Variants in RFT1 observed in about 807,000 individuals in gnomAD.
The protein encoded by RFT1 is RFT1 glycolipid translocator homolog, also known as man(5)GlcNAc(2)-PP-dolichol translocation protein RFT1.
RFT1 carries 43 observed loss-of-function variants against 62.2 expected under a neutral mutation model. The ratio of observed to expected loss-of-function variants is 0.69; its 90% CI spans 0.54 to 0.89. The LOEUF is 0.89. Among genes scored for constraint, RFT1 ranks in the 40% least tolerant of loss-of-function variants. The probability of loss-of-function intolerance (pLI) is 0.00; values close to 1 mark genes in which losing one functional copy is unlikely to be tolerated. For missense variants in RFT1, 605 were observed against 649.9 expected (o/e 0.93, Z 0.75); for synonymous variants, 262 against 264.6 (o/e 0.99, Z 0.10).
intron 10 of RFT1, among the ~76,000 whole-genome samples, chr3:53,100,331 C>T (rs1701276815): frequency 6.6e-6 from 1 of 152,204 alleles, no homozygotes; most frequent in Non-Finnish European, 1.5e-5. Context: ...GAACAGGAGG[C>T]TTACAAATGG....
chr3:53,120,287 C>T (rs1283105228), intron 5 of RFT1, among the ~76,000 whole-genome samples: 2 of 152,210 alleles, frequency 1.3e-5, no homozygotes, highest in African/African-American at 4.8e-5. Context: ...CAGATGTACA[C>T]TAGCTCAATT....
chr3:53,069,596 C>T, the RFT1 span, among the ~76,000 whole-genome samples: 1 of 152,114 alleles, frequency 6.6e-6, no homozygotes, highest in African/African-American at 2.4e-5. Context: ...GATAAGCAAA[C>T]TCATAAGCAA....
chr3:53,093,158 A>G (rs1024500499), intron 11 of RFT1, among the ~76,000 whole-genome samples: 8 of 152,196 alleles, frequency 5.3e-5, no homozygotes, highest in African/African-American at 1.9e-4. Context: ...GCCCTTGGGA[A>G]ATGCAGCACC....
At chr3:53,082,080 A>G in the RFT1 span, among the ~76,000 whole-genome samples, 1 of 151,884 alleles carries the variant, frequency 6.6e-6, no homozygotes, top group African/African-American at 2.4e-5. Context: ...AGTAGCTGGG[A>G]CCACAGGCGA....
chr3:53,098,912 G>A (rs1559582971), intron 11 of RFT1, among the ~76,000 whole-genome samples: 1 of 151,304 alleles, frequency 6.6e-6, no homozygotes, highest in African/African-American at 2.4e-5. Flanking sequence ...AGATGTATGT[G>A]TGCACTTGGG....
chr3:53,096,547 T>G lies in RFT1; in HGVS notation c.1208+2834A>C, dbSNP rs530311099. Among the ~76,000 whole-genome samples, 105 of 151,950 alleles carry G rather than the reference T, an allele frequency of 6.9e-4. 1 individual carries two copies. The highest frequency in any genetic ancestry group is 2.5e-3 in the African/African-American group (102 of 41,486). On this transcript the variant is annotated intron_variant, in intron 11 of 12. Transcript: ENST00000296292. ...AAATAAAAATAAAATTAGCTGGGCA[T>G]GGTCGCACACCTGTAATCCCAGCTA...
rs1204891856 is a variant in RFT1, at chr3:53,120,027, A to G, written c.559-6T>C. 1.3e-6 allele frequency: 2 copies of G among 1,582,596 alleles called. No individual in the cohort carries two copies. The highest frequency in any genetic ancestry group is 1.7e-6 in the Non-Finnish European group (2 of 1,167,902). ...AGAACTGTGGTATAGAAAAGCTGAG[A>G]AAAAAAATAAACTGTTTTAATAAAG... On this transcript the variant is annotated splice_polypyrimidine_tract_variant and splice_region_variant and intron_variant, in intron 5 of 12. Coordinates refer to ENST00000296292, the MANE Select transcript of RFT1 (RefSeq NM_052859.4).
At position 53,130,346 on chromosome 3, in the gene RFT1, G is replaced by A. The variant is rs1435776141; in HGVS notation, c.55C>T (p.Leu19Phe). The A allele has an allele frequency of 1.3e-5, 20 of 1,568,536 alleles. No homozygotes were observed. The Admixed American group carries it at 2.8e-4, about 22-fold the overall frequency. Residue 19 changes from leucine to phenylalanine, a missense_variant, in exon 1 of 13, where the codon CTC (leucine) becomes TTC (phenylalanine). Leu to Phe is a conservative substitution (Grantham distance 22). Coordinates refer to ENST00000296292, the MANE Select transcript of RFT1 (RefSeq NM_052859.4). ...TGAAGGGCAGAGAGTACCTGCAGGAGGAGACCGGAGGAGGCCAGCCGGGCC... is the reference window on the plus strand; with the variant it reads ...TGAAGGGCAGAGAGTACCTGCAGGAAGAGACCGGAGGAGGCCAGCCGGGCC... ...HAARLASSGL[L>F]LQVLFRLITF... is the part of the protein sequence containing the mutation.
intron 6 of RFT1, among the ~76,000 whole-genome samples, chr3:53,118,169 T>C (rs1230012571): frequency 6.6e-6 from 1 of 152,206 alleles, no homozygotes; most frequent in Admixed American, 6.5e-5. Context: ...TCTTTGCTTA[T>C]ACTAATGGTT....
chr3:53,085,372 C>T (rs550543233), downstream of RFT1, among the ~76,000 whole-genome samples: 9 of 152,362 alleles, frequency 5.9e-5, no homozygotes, highest in South Asian at 8.3e-4. Flanking sequence ...CCTTCCTAAG[C>T]GCCCAGGGCC....
Position 53,103,942 on chromosome 3 carries a change from CT to C in RFT1, c.1102+10del. On this transcript the variant is annotated intron_variant, in intron 10 of 12. Coordinates refer to ENST00000296292, the MANE Select transcript of RFT1 (RefSeq NM_052859.4). Reference sequence around the variant, plus strand: ...AAATCAGAAAAAATCCAGAAAAACTCTTGTGCGTACCGGATCCTGAGCTAAG... The same window carrying C: ...AAATCAGAAAAAATCCAGAAAAACTCTGTGCGTACCGGATCCTGAGCTAAG... 6.2e-7 allele frequency: 1 copy of C among 1,614,190 alleles called. No individual in the cohort carries two copies. Among genetic ancestry groups the C allele is most frequent in the Non-Finnish European group, 8.5e-7 (1 of 1,180,008 alleles).
downstream of RFT1, chr3:53,085,723 A>C (rs1245621143): frequency 6.6e-6 from 1 of 152,240 alleles, no homozygotes; most frequent in African/African-American, 2.4e-5. Flanking sequence ...ATGACTTGCA[A>C]GGAAAGACCT....
chr3:53,115,119 C>T (rs552598987), intron 6 of RFT1, among the ~76,000 whole-genome samples: 11 of 152,184 alleles, frequency 7.2e-5, no homozygotes, highest in Non-Finnish European at 1.6e-4. Flanking sequence ...TTGCCACAGG[C>T]TCCCAATGAG....
intron 11 of RFT1, among the ~76,000 whole-genome samples, chr3:53,093,659 T>C (rs1701058963): frequency 6.6e-6 from 1 of 151,952 alleles, no homozygotes; most frequent in Admixed American, 6.6e-5. Flanking sequence ...GGTGGGAGGA[T>C]TGCTTGAGGC....
In RFT1 at chr3:53,111,917, G is replaced by GAAAAC. The variant is rs763098152; in HGVS notation, c.697-14_697-10dup. 37 of 1,609,288 alleles carry GAAAAC rather than the reference G, an allele frequency of 2.3e-5. No individual in the cohort carries two copies. The highest frequency in any genetic ancestry group is 3.3e-4 in the Middle Eastern group (2 of 6,076). ...TTCCAGTTTATAAACGCCTAGAAGAGAAAACAAAACAAAACAAAAACATCA... is the reference window on the plus strand; with the variant it reads ...TTCCAGTTTATAAACGCCTAGAAGAGAAAACAAAACAAAACAAAACAAAAACATCA... On this transcript the variant is annotated splice_polypyrimidine_tract_variant and intron_variant, in intron 6 of 12. Transcript: ENST00000296292.
downstream of RFT1, chr3:53,085,895 G>C (rs561641948): frequency 1.3e-5 from 2 of 152,302 alleles, no homozygotes; most frequent in Admixed American, 1.3e-4. Context: ...TCCTTCATTA[G>C]GCCCCTAAAG....
Position 53,121,689 on chromosome 3 carries a change from T to C in RFT1, c.558+10A>G. On this transcript the variant is annotated intron_variant, in intron 5 of 12. Transcript: ENST00000296292. ...AGATCATATAAAAAGTTAAAAGCCA[T>C]GATTCTTACCTGGGCCAAAGAGAAA... 2 of 1,604,362 alleles carry C rather than the reference T, an allele frequency of 1.2e-6. No homozygotes were observed. Among genetic ancestry groups the C allele is most frequent in the Non-Finnish European group, 1.7e-6 (2 of 1,171,858 alleles).
intron 7 of RFT1, among the ~76,000 whole-genome samples, chr3:53,107,740 T>C (rs541642148): frequency 1.5e-4 from 23 of 152,034 alleles, no homozygotes; most frequent in African/African-American, 5.5e-4. Context: ...TCCCCTTGGC[T>C]TTCATGAAGT....
the RFT1 span, among the ~76,000 whole-genome samples, chr3:53,082,642 T>C: frequency 6.6e-6 from 1 of 152,178 alleles, no homozygotes; most frequent in Non-Finnish European, 1.5e-5. Context: ...TTTCCTCACC[T>C]GTAGCCCATA....
Sources: allele counts gnomAD v4.1 joint callset (sites outside exome capture counted in the v4.1 genomes callset), GRCh38; gene constraint gnomAD v4.1.1; transcripts MANE v1.5; gene names NCBI Gene and HGNC (gene_info 2026-07-23, HGNC 2026-07-21).